Variants in SH3PXD2B observed in about 807,000 individuals in gnomAD.
SH3PXD2B encodes the protein SH3 and PX domains 2B, also known as SH3 and PX domain-containing protein 2B.
SH3PXD2B carries 37 observed loss-of-function variants against 73.1 expected under a neutral mutation model. The ratio of observed to expected loss-of-function variants is 0.51; its 90% CI spans 0.39 to 0.67. The LOEUF is 0.67. SH3PXD2B is among the 30% of genes least tolerant of loss of function. The pLI, the probability that SH3PXD2B is intolerant of heterozygous loss-of-function variation, is 0.00. For missense variants in SH3PXD2B, 1,053 were observed against 1,197.8 expected (o/e 0.88, Z 1.78); for synonymous variants, 457 against 480.5 (o/e 0.95, Z 0.64).
At chr5:172,402,035 C>T (rs181421831) in intron 3 of SH3PXD2B, among the ~76,000 whole-genome samples, 94 of 152,258 alleles carry the variant, frequency 6.2e-4, no homozygotes, top group African/African-American at 2.1e-3. Flanking sequence ...GAGAGCTGGG[C>T]GGAACAGAGC....
chr5:172,379,980 T>G (rs1757908137), intron 5 of SH3PXD2B, among the ~76,000 whole-genome samples: 2 of 152,218 alleles, frequency 1.3e-5, no homozygotes, highest in South Asian at 4.1e-4. Context: ...TGCCTCTCTT[T>G]CATTATCATT....
intron 3 of SH3PXD2B, among the ~76,000 whole-genome samples, chr5:172,406,048 T>C (rs1253189253): frequency 1.3e-5 from 2 of 152,206 alleles, no homozygotes; most frequent in Admixed American, 6.5e-5. Flanking sequence ...GAATTATTTA[T>C]ATATTACTGC....
intron 5 of SH3PXD2B, among the ~76,000 whole-genome samples, chr5:172,380,555 A>G (rs1757920447): frequency 6.6e-6 from 1 of 152,238 alleles, no homozygotes; most frequent in South Asian, 2.1e-4. Flanking sequence ...ATGGCGACAC[A>G]AATTGGGAAA....
intron 4 of SH3PXD2B, among the ~76,000 whole-genome samples, chr5:172,383,268 T>C (rs1757988418): frequency 2.6e-5 from 4 of 152,244 alleles, no homozygotes; most frequent in Admixed American, 2.6e-4. Flanking sequence ...GATCTTCCAC[T>C]GGCCAAATTC....
Position 172,337,732 on chromosome 5 carries a change from G to C in SH3PXD2B, c.*637C>G. 1.0e-6 allele frequency: 1 copy of C among 993,042 alleles called. No homozygotes were observed. Among genetic ancestry groups the C allele is most frequent in the Non-Finnish European group, 1.2e-6 (1 of 834,436 alleles). The allele number at this position is 993,042 out of a possible 1,614,324, so 61.5% of individuals were successfully genotyped here. A position where few individuals can be genotyped will look rare whatever the true frequency, so the allele number is the denominator to read the frequency against. The stretch of plus-strand genomic sequence containing the variant: ...CCCAAGATAGAAGGTGGGAGGCAGG[G>C]CGGCTGAGCGGATCTCCAGGCCCAC... On this transcript the variant is annotated 3_prime_UTR_variant, in exon 13 of 13. Transcript: ENST00000311601.
At chr5:172,348,687 C>G (rs1303969324) in intron 10 of SH3PXD2B, among the ~76,000 whole-genome samples, 4 of 44,474 alleles carry the variant, frequency 9.0e-5, no homozygotes, top group African/African-American at 2.6e-4. Context: ...ATCTATCTAT[C>G]TATCTATCTA....
intron 2 of SH3PXD2B, among the ~76,000 whole-genome samples, chr5:172,422,041 C>T (rs1466362043): frequency 6.6e-6 from 1 of 151,032 alleles, no homozygotes; most frequent in East Asian, 2.0e-4. Flanking sequence ...GTTGCCCAGG[C>T]TGGAGTGCAA....
intron 12 of SH3PXD2B, among the ~76,000 whole-genome samples, chr5:172,327,138 G>A (rs1756461367): frequency 2.0e-5 from 3 of 152,124 alleles, no homozygotes; most frequent in Non-Finnish European, 2.9e-5. Context: ...GGGATTACAG[G>A]CATGAACCAC....
Position 172,347,289 on chromosome 5 carries a change from C to A in SH3PXD2B, c.1056G>T (p.Met352Ile). ...MRQRPPPRRD[M>I]TIPRGLNLPK... is the part of the protein sequence containing the mutation. ...GTAGCGAGGATCCACTTACAATGGT[C>A]ATGTCCCGGCGAGGAGGGGGTCTCT... is the stretch of plus-strand genomic sequence containing the variant. Residue 352 changes from methionine (M) to isoleucine (I), a missense_variant, in exon 11 of 13, where the codon ATG (methionine) becomes ATT (isoleucine). This residue lies in a region of SH3PXD2B where 466 missense variants were observed against 607.1 expected (regional missense o/e 0.77). Transcript: ENST00000311601. 6.2e-7 allele frequency: 1 copy of A among 1,614,106 alleles called. No individual in the cohort carries two copies. Among genetic ancestry groups the A allele is most frequent in the South Asian group, 1.1e-5 (1 of 91,056 alleles).
chr5:172,439,692 G>GCGCACACACACACACACACA (rs1554087696), intron 1 of SH3PXD2B, among the ~76,000 whole-genome samples: 7 of 138,624 alleles, frequency 5.0e-5, no homozygotes, highest in African/African-American at 1.7e-4. Flanking sequence ...GCACGCGCGC[G>GCGCACACACACACACACACA]CACACACACA....
At chr5:172,420,434 C>A (rs1308126772) in intron 2 of SH3PXD2B, among the ~76,000 whole-genome samples, 1 of 151,970 alleles carries the variant, frequency 6.6e-6, no homozygotes, top group African/African-American at 2.4e-5. Flanking sequence ...CCTCCCCCTA[C>A]AAAATAATGA....
In SH3PXD2B at chr5:172,334,179, T is replaced by A; in HGVS notation, c.*4190A>T. ...GAAACATGAGGAGGAGCTCGATAAC[T>A]TGGCAGAATAGCACCAGAAACCAGA... On this transcript the variant is annotated 3_prime_UTR_variant, in exon 13 of 13. Coordinates refer to ENST00000311601, the MANE Select transcript of SH3PXD2B (RefSeq NM_001017995.3). The A allele has an allele frequency of 9.0e-7, 1 of 1,105,582 alleles. No homozygotes were observed. The highest frequency in any genetic ancestry group is 1.7e-5 in the African/African-American group (1 of 58,410). The allele number at this position is 1,105,582 out of a possible 1,614,324, so 68.5% of individuals were successfully genotyped here. A position where few individuals can be genotyped will look rare whatever the true frequency, so the allele number is the denominator to read the frequency against.
chr5:172,399,256 G>C (rs1267786317), intron 3 of SH3PXD2B, among the ~76,000 whole-genome samples: 1 of 152,156 alleles, frequency 6.6e-6, no homozygotes, highest in African/African-American at 2.4e-5. Flanking sequence ...CCAAAGATCA[G>C]CCCATTCCTG....
intron 10 of SH3PXD2B, among the ~76,000 whole-genome samples, chr5:172,349,664 C>T (rs1442654675): frequency 6.6e-6 from 1 of 152,194 alleles, no homozygotes. Context: ...CACACCCTCT[C>T]ACCCTTCAGA....
intron 6 of SH3PXD2B, among the ~76,000 whole-genome samples, chr5:172,368,700 T>C (rs201941131): frequency 4.5e-5 from 1 of 22,442 alleles, no homozygotes; most frequent in African/African-American, 3.0e-4. Context: ...ATATATAAAA[T>C]ATATATATAT....
chr5:172,440,692 C>T (rs1759535516), intron 1 of SH3PXD2B, among the ~76,000 whole-genome samples: 1 of 152,156 alleles, frequency 6.6e-6, no homozygotes, highest in Non-Finnish European at 1.5e-5. Context: ...CGGGCCGAGG[C>T]GTCCTAGAGA....
chr5:172,423,362 CAAAG>C (rs1013532559), intron 1 of SH3PXD2B, among the ~76,000 whole-genome samples: 3 of 152,134 alleles, frequency 2.0e-5, no homozygotes, highest in African/African-American at 7.2e-5. Flanking sequence ...TGTTTGGAAA[CAAAG>C]AAATGTCATA....
At position 172,344,588 on chromosome 5, in the gene SH3PXD2B, C is replaced by CAAAAA. The variant is rs756550290; in HGVS notation, c.1188+1543_1188+1547dup. On this transcript the variant is annotated intron_variant, in intron 12 of 12. Transcript: ENST00000311601. Reference sequence around the variant, plus strand: ...GGGCAACAGAGGAGCGAGGCTCTGTCAAAAAAAAAAAAAAAAAAAAAAAAA... The same window carrying CAAAAA: ...GGGCAACAGAGGAGCGAGGCTCTGTCAAAAAAAAAAAAAAAAAAAAAAAAAAAAAA... 6.0e-3 allele frequency among the ~76,000 whole-genome samples: 152 copies of CAAAAA among 25,244 alleles called. 14 individuals carry two copies. The highest frequency in any genetic ancestry group is 0.024 in the African/African-American group (141 of 5,858). 16.6% of individuals were successfully genotyped at this position (25,244 alleles called of 152,430 possible).
chr5:172,368,676 A>AAT lies in SH3PXD2B; in HGVS notation c.427+5112_427+5113dup, dbSNP rs1371215353. Among the ~76,000 whole-genome samples, 74 of 31,150 alleles carry AAT rather than the reference A, an allele frequency of 2.4e-3. 9 individuals carry two copies. The highest frequency in any genetic ancestry group is 0.016 in the African/African-American group (71 of 4,426). 20.4% of individuals were successfully genotyped at this position (31,150 alleles called of 152,430 possible). A position where few individuals can be genotyped will look rare whatever the true frequency, so the allele number is the denominator to read the frequency against. On this transcript the variant is annotated intron_variant, in intron 6 of 12. Coordinates refer to ENST00000311601, the MANE Select transcript of SH3PXD2B (RefSeq NM_001017995.3). ...AAATATATATATTATATATATATAA[A>AAT]ATATATATGTTATATATATAAAATA...
Sources: allele counts gnomAD v4.1 joint callset (sites outside exome capture counted in the v4.1 genomes callset), GRCh38; gene constraint gnomAD v4.1.1; regional missense constraint gnomAD v4.1.1; transcripts MANE v1.5; gene names NCBI Gene and HGNC (gene_info 2026-07-23, HGNC 2026-07-21).